Variants in CSMD3 observed in about 807,000 individuals in gnomAD.
The protein encoded by CSMD3 is CUB and sushi domain-containing protein 3.
In CSMD3, 177 loss-of-function variants were observed where a neutral mutation model predicts 435.2. That is an observed-to-expected ratio of 0.41 (90% CI 0.36 to 0.46). The LOEUF is 0.46. Ranked by LOEUF, CSMD3 falls within the 20% of genes least tolerant of loss-of-function variation. CSMD3 has a pLI of 0.34. For synonymous variants in CSMD3, 1,656 were observed against 1,520.5 expected (o/e 1.09, Z -2.07); for missense variants, 4,265 against 4,504.6 (o/e 0.95, Z 1.52).
chr8:112,293,370 G>C (rs1206547305), intron 54 of CSMD3, among the ~76,000 whole-genome samples: 2 of 152,046 alleles, frequency 1.3e-5, no homozygotes, highest in Non-Finnish European at 2.9e-5. Context: ...GATATTTAAA[G>C]GCAGTTTTTT....
intron 1 of CSMD3, among the ~76,000 whole-genome samples, chr8:113,346,164 G>A (rs555268065): frequency 1.1e-4 from 17 of 152,086 alleles, no homozygotes; most frequent in African/African-American, 4.1e-4. Flanking sequence ...TAGACCATGG[G>A]AGAGGAGGAC....
intron 32 of CSMD3, among the ~76,000 whole-genome samples, chr8:112,430,154 C>T (rs986570217): frequency 2.0e-5 from 3 of 152,000 alleles, no homozygotes; most frequent in Admixed American, 1.3e-4. Context: ...AGGTAGGAAG[C>T]GTCTACAACC....
intron 32 of CSMD3, among the ~76,000 whole-genome samples, chr8:112,471,391 T>C (rs1267535567): frequency 1.3e-5 from 2 of 152,216 alleles, no homozygotes; most frequent in Non-Finnish European, 2.9e-5. Context: ...ATGATATTTT[T>C]CTTTCTAAAC....
chr8:113,107,279 T>C (rs1309360472), intron 4 of CSMD3, among the ~76,000 whole-genome samples: 1 of 152,212 alleles, frequency 6.6e-6, no homozygotes, highest in Non-Finnish European at 1.5e-5. Flanking sequence ...TTACACAATA[T>C]GCCATGCCTG....
chr8:112,343,003 A>ATATATATATATTTATATATATATATATT (rs1563815628), intron 41 of CSMD3, among the ~76,000 whole-genome samples: 1 of 120,896 alleles, frequency 8.3e-6, no homozygotes, highest in African/African-American at 2.9e-5. Flanking sequence ...ATATATATTT[A>ATATATATATATTTATATATATATATATT]TATATATATA....
chr8:113,362,619 CTCAG>C (rs1270711977), intron 1 of CSMD3, among the ~76,000 whole-genome samples: 2 of 152,194 alleles, frequency 1.3e-5, no homozygotes, highest in Non-Finnish European at 2.9e-5. Context: ...CTCTTTCCCA[CTCAG>C]TATTTCCACC....
intron 13 of CSMD3, among the ~76,000 whole-genome samples, chr8:112,783,796 T>G (rs2078464264): frequency 6.6e-6 from 1 of 151,682 alleles, no homozygotes; most frequent in Middle Eastern, 3.2e-3. Context: ...GTGGCTATAC[T>G]TATATCAGAT....
chr8:112,462,613 TGAAAG>T (rs1445513341), intron 32 of CSMD3, among the ~76,000 whole-genome samples: 1 of 151,800 alleles, frequency 6.6e-6, no homozygotes, highest in African/African-American at 2.4e-5. Flanking sequence ...TCTTGCAAGT[TGAAAG>T]GAAATAACTT....
intron 38 of CSMD3, among the ~76,000 whole-genome samples, chr8:112,367,094 C>A (rs7832317): frequency 0.39 from 59,809 of 151,722 alleles, 13,265 homozygotes; most frequent in Middle Eastern, 0.54. Flanking sequence ...TTATTTGTGG[C>A]ATATCTATAA....
At chr8:113,297,786 T>G (rs947327116) in intron 2 of CSMD3, among the ~76,000 whole-genome samples, 3 of 152,130 alleles carry the variant, frequency 2.0e-5, no homozygotes, top group African/African-American at 7.2e-5. Flanking sequence ...GAAACACATT[T>G]TAATTTCAAA....
At chr8:113,110,353 T>G (rs1019716285) in intron 4 of CSMD3, among the ~76,000 whole-genome samples, 2 of 152,206 alleles carry the variant, frequency 1.3e-5, no homozygotes, top group Non-Finnish European at 2.9e-5. Context: ...AGTCACACTT[T>G]CAACACCTTC....
intron 35 of CSMD3, among the ~76,000 whole-genome samples, chr8:112,391,234 C>T (rs1319011397): frequency 1.3e-5 from 2 of 152,096 alleles, no homozygotes; most frequent in Admixed American, 6.6e-5. Context: ...ATGATCATAA[C>T]ATTTATATAG....
chr8:112,529,165 G>T (rs183054861), intron 27 of CSMD3, among the ~76,000 whole-genome samples: 3 of 152,226 alleles, frequency 2.0e-5, no homozygotes. Flanking sequence ...ACTTTGCCGG[G>T]ATTGCCTAAA....
chr8:112,252,605 T>A (rs1300649923), intron 63 of CSMD3, among the ~76,000 whole-genome samples: 1 of 150,960 alleles, frequency 6.6e-6, no homozygotes, highest in Non-Finnish European at 1.5e-5. Flanking sequence ...TAAATTAGTA[T>A]TAATTAGAAT....
chr8:113,025,948 T>C (rs1265454227), intron 5 of CSMD3, among the ~76,000 whole-genome samples: 1 of 152,128 alleles, frequency 6.6e-6, no homozygotes, highest in Non-Finnish European at 1.5e-5. Context: ...CACATCACGA[T>C]GGATAAACAA....
intron 1 of CSMD3, among the ~76,000 whole-genome samples, chr8:113,327,333 A>C (rs1165793675): frequency 6.6e-6 from 1 of 152,214 alleles, no homozygotes; most frequent in Non-Finnish European, 1.5e-5. Context: ...CTCCATATAG[A>C]GTCTCATACA....
At chr8:113,154,651 G>T (rs544620349) in intron 4 of CSMD3, among the ~76,000 whole-genome samples, 25 of 152,122 alleles carry the variant, frequency 1.6e-4, no homozygotes, top group East Asian at 1.4e-3. Context: ...TTGCGCAGTT[G>T]CTGCAGAATG....
intron 7 of CSMD3, among the ~76,000 whole-genome samples, chr8:112,970,797 C>T (rs2130908638): frequency 6.6e-6 from 1 of 151,674 alleles, no homozygotes; most frequent in African/African-American, 2.4e-5. Flanking sequence ...TCTCGGCTCA[C>T]TGCAAGCTCT....
At chr8:113,327,697 C>T (rs1167745495) in intron 1 of CSMD3, among the ~76,000 whole-genome samples, 2 of 151,914 alleles carry the variant, frequency 1.3e-5, no homozygotes, top group Admixed American at 6.5e-5. Flanking sequence ...ACTCAATTTG[C>T]ACATGTTGCT....
Sources: gnomAD v4.1 joint callset for allele counts (sites outside exome capture counted in the v4.1 genomes callset) on GRCh38, gnomAD v4.1.1 for gene constraint, MANE v1.5 for transcripts, NCBI Gene and HGNC (gene_info 2026-07-23, HGNC 2026-07-21) for gene names.